Variants in ZNF385D observed in about 807,000 individuals in gnomAD.
ZNF385D encodes zinc finger protein 385D.
A neutral mutation model predicts 35.8 loss-of-function variants in ZNF385D; 15 were observed. The observed-to-expected ratio is 0.42, with a 90% CI of 0.28 to 0.64. ZNF385D has a LOEUF of 0.64. ZNF385D is among the 30% of genes least tolerant of loss of function. The probability of loss-of-function intolerance (pLI) is 0.23; values close to 1 mark genes in which losing one functional copy is unlikely to be tolerated. For missense variants in ZNF385D, 474 were observed against 494.6 expected, an observed-to-expected ratio of 0.96 and a Z score of 0.39; for synonymous variants, 212 against 186.8, an observed-to-expected ratio of 1.13 and a Z score of -1.10.
chr3:22,144,273 T>C (rs1210622720), intron 3 of ZNF385D, among the ~76,000 whole-genome samples: 1 of 152,094 alleles, frequency 6.6e-6, no homozygotes. Flanking sequence ...TGAAGAGATT[T>C]TATACATTTA....
At chr3:21,580,262 A>C (rs1046048292) in intron 2 of ZNF385D, among the ~76,000 whole-genome samples, 13 of 152,172 alleles carry the variant, frequency 8.5e-5, no homozygotes, top group African/African-American at 3.1e-4. Flanking sequence ...GTGATCCCCA[A>C]GGGTCTAGGA....
At chr3:21,968,162 C>T (rs199783949) in intron 3 of ZNF385D, among the ~76,000 whole-genome samples, 4 of 151,982 alleles carry the variant, frequency 2.6e-5, no homozygotes, top group East Asian at 3.9e-4. Context: ...CCAGTCACAG[C>T]GGAAAGCAAC....
intron 3 of ZNF385D, among the ~76,000 whole-genome samples, chr3:21,983,159 ATTTTATTAT>A (rs1559818044): frequency 5.0e-5 from 5 of 100,842 alleles, no homozygotes; most frequent in African/African-American, 1.2e-4. Flanking sequence ...ATTTTATTTT[ATTTTATTAT>A]TTTTTTTTAT....
chr3:21,552,077 G>A (rs1215194163), intron 3 of ZNF385D, among the ~76,000 whole-genome samples: 3 of 152,114 alleles, frequency 2.0e-5, no homozygotes, highest in Non-Finnish European at 4.4e-5. Flanking sequence ...ATTCAACCAA[G>A]CATACAACTG....
chr3:21,857,690 T>C (rs1017328180), intron 3 of ZNF385D, among the ~76,000 whole-genome samples: 5 of 151,946 alleles, frequency 3.3e-5, no homozygotes, highest in Admixed American at 2.0e-4. Flanking sequence ...ATGGGGTTTA[T>C]ACCCTGAAGT....
intron 2 of ZNF385D, among the ~76,000 whole-genome samples, chr3:22,296,381 T>A (rs1702578437): frequency 6.6e-6 from 1 of 152,262 alleles, no homozygotes; most frequent in Non-Finnish European, 1.5e-5. Context: ...TGTTGTTGGC[T>A]AGTTCCTCAG....
chr3:22,129,570 C>T lies in ZNF385D; in HGVS notation c.325+39247G>A, dbSNP rs369525251. Among the ~76,000 whole-genome samples, 10 of 152,248 alleles carry T rather than the reference C, an allele frequency of 6.6e-5. 1 individual carries two copies. The highest frequency in any genetic ancestry group is 3.9e-4 in the East Asian group (2 of 5,166). On this transcript the variant is annotated intron_variant, in intron 3 of 5. Transcript: ENST00000494108. The stretch of plus-strand genomic sequence containing the variant: ...CAGAATCCTCTTTACTTATCCCTGT[C>T]CTTTCCTGAAGCAGAATCTCTGCCC...
At chr3:21,817,262 A>G (rs2073193175) in intron 3 of ZNF385D, among the ~76,000 whole-genome samples, 1 of 152,244 alleles carries the variant, frequency 6.6e-6, no homozygotes, top group South Asian at 2.1e-4. Context: ...ACCATTCAGG[A>G]CATAGGCATG....
At chr3:21,595,727 A>G (rs1174151889) in intron 2 of ZNF385D, among the ~76,000 whole-genome samples, 1 of 148,846 alleles carries the variant, frequency 6.7e-6, no homozygotes, top group Non-Finnish European at 1.5e-5. Context: ...CAACAGAATC[A>G]CATTTTGTCC....
intron 4 of ZNF385D, among the ~76,000 whole-genome samples, chr3:21,501,300 T>C (rs1003260032): frequency 6.6e-6 from 1 of 152,164 alleles, no homozygotes; most frequent in Non-Finnish European, 1.5e-5. Context: ...TCACTACATG[T>C]GTGTCCATGT....
chr3:22,131,750 C>T (rs188449011), intron 3 of ZNF385D, among the ~76,000 whole-genome samples: 15 of 152,224 alleles, frequency 9.9e-5, no homozygotes, highest in Non-Finnish European at 1.9e-4. Flanking sequence ...TCATGTTGAT[C>T]GCTTCTACTT....
In ZNF385D at chr3:22,279,563, C is replaced by CAT. The variant is rs541616185; in HGVS notation, c.106+92885_106+92886dup. On this transcript the variant is annotated intron_variant, in intron 2 of 5. Transcript: ENST00000494108. ...ATATGTATATACATATACATATGTA[C>CAT]ATATATATGTATATACATATACATA... 5.9e-5 allele frequency among the ~76,000 whole-genome samples: 8 copies of CAT among 136,354 alleles called. 1 individual carries two copies. In the East Asian group the frequency reaches 8.6e-4, roughly 15 times the overall value. 89.5% of individuals were successfully genotyped at this position (136,354 alleles called of 152,430 possible). A position where few individuals can be genotyped will look rare whatever the true frequency, so the allele number is the denominator to read the frequency against.
chr3:21,477,916 T>A (rs1704354294), intron 4 of ZNF385D, among the ~76,000 whole-genome samples: 1 of 152,168 alleles, frequency 6.6e-6, no homozygotes, highest in African/African-American at 2.4e-5. Context: ...AAAGAACAAA[T>A]GTCTCAATGA....
At chr3:21,631,903 C>G (rs554237732) in intron 2 of ZNF385D, among the ~76,000 whole-genome samples, 1 of 152,218 alleles carries the variant, frequency 6.6e-6, no homozygotes, top group South Asian at 2.1e-4. Flanking sequence ...AAAAGCATTT[C>G]ATTGAAGCCT....
chr3:21,476,311 C>G (rs968627694), intron 4 of ZNF385D, among the ~76,000 whole-genome samples: 8 of 152,160 alleles, frequency 5.3e-5, no homozygotes, highest in Admixed American at 5.2e-4. Context: ...TAAAACAGAT[C>G]TGACAAAGTA....
rs1703025566 is a variant in ZNF385D, at chr3:21,968,281, C to T, written c.325+200536G>A. On this transcript the variant is annotated intron_variant, in intron 3 of 5. Transcript: ENST00000494108. ...CTGAATATGAGTTTTGGCAAGCCCT[C>T]CACCATGGGCTAAAGGGCTCTGGGG... Among the ~76,000 whole-genome samples, 3 of 152,118 alleles carry T rather than the reference C, an allele frequency of 2.0e-5. No individual in the cohort carries two copies. The South Asian group carries it at 6.2e-4, about 32-fold the overall frequency.
intron 2 of ZNF385D, among the ~76,000 whole-genome samples, chr3:22,186,689 A>G (rs1429935593): frequency 1.3e-5 from 2 of 152,094 alleles, no homozygotes; most frequent in Non-Finnish European, 2.9e-5. Context: ...TCCTACTGAG[A>G]TCTCAGCATC....
At chr3:22,080,887 C>G (rs527740022) in intron 3 of ZNF385D, among the ~76,000 whole-genome samples, 1 of 152,208 alleles carries the variant, frequency 6.6e-6, no homozygotes, top group African/African-American at 2.4e-5. Context: ...AACCACGAAA[C>G]AGACACTCAC....
Position 21,420,167 on chromosome 3 carries a change from A to G in ZNF385D, c.*1047T>C, listed in dbSNP as rs1368107533. 2 of 152,226 alleles carry G rather than the reference A, an allele frequency of 1.3e-5. No individual in the cohort carries two copies. Among genetic ancestry groups the G allele is most frequent in the African/African-American group, 2.4e-5 (1 of 41,466 alleles). The allele number at this position is 152,226 out of a possible 1,614,324, so 9.4% of individuals were successfully genotyped here. ...TGCTTAATTCTACCATCATACTTAA[A>G]GCAGAAACCTTTGCCTAAGAAACAA... On this transcript the variant is annotated 3_prime_UTR_variant, in exon 8 of 8. Coordinates refer to ENST00000281523, the MANE Select transcript of ZNF385D (RefSeq NM_024697.3).
Sources: allele counts gnomAD v4.1 joint callset (sites outside exome capture counted in the v4.1 genomes callset), GRCh38; gene constraint gnomAD v4.1.1; transcripts MANE v1.5; gene names NCBI Gene and HGNC (gene_info 2026-07-23, HGNC 2026-07-21).